The following CPA6 variants were observed in gnomAD, a reference collection of about 807,000 sequenced individuals.
The protein encoded by CPA6 is carboxypeptidase A6.
In CPA6, 58 loss-of-function variants were observed where a neutral mutation model predicts 63.3. That is an observed-to-expected ratio of 0.92 (90% CI 0.74 to 1.14). The LOEUF is 1.14. Among genes scored for constraint, CPA6 ranks in the 50% most tolerant of loss-of-function variants. The probability of loss-of-function intolerance (pLI) is 0.00; values close to 1 mark genes in which losing one functional copy is unlikely to be tolerated. For synonymous variants in CPA6, 185 were observed against 179.0 expected, an observed-to-expected ratio of 1.03 and a Z score of -0.27; for missense variants, 565 against 526.6, an observed-to-expected ratio of 1.07 and a Z score of -0.71.
intron 3 of CPA6, 126 bp downstream of exon 3, chr8:67,517,797 T>C (rs1812176745): frequency 1.0e-6 from 1 of 981,232 alleles, no homozygotes. Flanking sequence ...TCATGTCAGT[T>C]TTCCCCATAT....
At chr8:67,723,500 A>G (rs554878573) in intron 1 of CPA6, among the ~76,000 whole-genome samples, 2 of 152,254 alleles carry the variant, frequency 1.3e-5, no homozygotes, top group East Asian at 1.9e-4. Flanking sequence ...TCAGCTGATT[A>G]CTTTCCGAAG....
At chr8:67,705,930 A>G (rs539336491) in intron 1 of CPA6, among the ~76,000 whole-genome samples, 2 of 152,230 alleles carry the variant, frequency 1.3e-5, no homozygotes, top group Non-Finnish European at 2.9e-5. Flanking sequence ...TTCAAAAGTT[A>G]TAAAGGTAAA....
chr8:67,469,363 T>A (rs1157431570), intron 8 of CPA6, among the ~76,000 whole-genome samples: 3 of 152,096 alleles, frequency 2.0e-5, no homozygotes, highest in Non-Finnish European at 4.4e-5. Flanking sequence ...CCCAGCACTG[T>A]GGGAAGCTGA....
intron 1 of CPA6, among the ~76,000 whole-genome samples, chr8:67,681,195 A>ATTTTTTTTTTTTTTTTTTTTTT (rs1554533441): frequency 4.1e-5 from 4 of 97,140 alleles, no homozygotes; most frequent in African/African-American, 1.8e-4. Flanking sequence ...GGTCACAAAG[A>ATTTTTTTTTTTTTTTTTTTTTT]TTTTCTTTTT....
intron 2 of CPA6, among the ~76,000 whole-genome samples, chr8:67,595,756 G>A (rs1814313606): frequency 6.6e-6 from 1 of 152,204 alleles, no homozygotes; most frequent in African/African-American, 2.4e-5. Flanking sequence ...ATTCGGGTGG[G>A]AGTGGCCTGA....
intron 2 of CPA6, among the ~76,000 whole-genome samples, chr8:67,546,825 T>A (rs1317443219): frequency 1.3e-5 from 2 of 151,770 alleles, no homozygotes; most frequent in African/African-American, 4.8e-5. Context: ...AGCTTGAGGA[T>A]TTACTTTATC....
intron 2 of CPA6, among the ~76,000 whole-genome samples, chr8:67,547,887 C>A (rs891729918): frequency 6.6e-6 from 1 of 152,082 alleles, no homozygotes; most frequent in Non-Finnish European, 1.5e-5. Context: ...TGTTACTTTG[C>A]AAATTAATAA....
intron 3 of CPA6, among the ~76,000 whole-genome samples, chr8:67,512,289 C>T (rs1026145233): frequency 6.6e-6 from 1 of 152,140 alleles, no homozygotes; most frequent in Non-Finnish European, 1.5e-5. Flanking sequence ...CCTTCCATCA[C>T]CAAGAGACTA....
intron 1 of CPA6, among the ~76,000 whole-genome samples, chr8:67,651,106 T>C (rs1045389714): frequency 2.6e-5 from 4 of 152,178 alleles, no homozygotes; most frequent in African/African-American, 9.6e-5. Flanking sequence ...CTTTTCCTTG[T>C]CTCCCCATAA....
intron 1 of CPA6, among the ~76,000 whole-genome samples, chr8:67,627,868 A>AT (rs1815228246): frequency 6.6e-6 from 1 of 152,220 alleles, no homozygotes; most frequent in African/African-American, 2.4e-5. Context: ...ACAATAGTAA[A>AT]TAAATGTAAT....
chr8:67,436,294 G>T (rs1413246137), intron 8 of CPA6, among the ~76,000 whole-genome samples: 1 of 152,026 alleles, frequency 6.6e-6, no homozygotes, highest in African/African-American at 2.4e-5. Flanking sequence ...CCCAGGGTAG[G>T]GGTTTCCAGC....
intron 1 of CPA6, among the ~76,000 whole-genome samples, chr8:67,713,097 GTGTATATATATATATATA>G (rs1221407163): frequency 5.0e-5 from 3 of 60,246 alleles, no homozygotes; most frequent in East Asian, 6.2e-4. Context: ...GTGTGTGTGT[GTGTATATATATATATATA>G]TATATATATA....
chr8:67,437,632 C>G (rs1810191720), intron 8 of CPA6, among the ~76,000 whole-genome samples: 2 of 151,976 alleles, frequency 1.3e-5, no homozygotes, highest in African/African-American at 4.8e-5. Context: ...CAAATAGGGA[C>G]AAGGAGTTAT....
At chr8:67,608,432 T>C (rs1814722814) in intron 2 of CPA6, among the ~76,000 whole-genome samples, 1 of 152,102 alleles carries the variant, frequency 6.6e-6, no homozygotes, top group Non-Finnish European at 1.5e-5. Flanking sequence ...GGCCACAGGA[T>C]GGCCAAACTC....
At chr8:67,631,239 A>C (rs1399077184) in intron 1 of CPA6, among the ~76,000 whole-genome samples, 1 of 152,254 alleles carries the variant, frequency 6.6e-6, no homozygotes, top group East Asian at 1.9e-4. Context: ...CATATGCGCC[A>C]ATCAGCACTC....
At chr8:67,631,846 C>T (rs1462895441) in intron 1 of CPA6, among the ~76,000 whole-genome samples, 3 of 152,096 alleles carry the variant, frequency 2.0e-5, no homozygotes, top group African/African-American at 4.8e-5. Context: ...AGACGTGCCA[C>T]CTTAAGAGCT....
At chr8:67,591,492 A>G (rs550435196) in intron 2 of CPA6, among the ~76,000 whole-genome samples, 1 of 152,188 alleles carries the variant, frequency 6.6e-6, no homozygotes, top group Non-Finnish European at 1.5e-5. Context: ...GGCCATTTTC[A>G]TGATATTGAT....
intron 1 of CPA6, among the ~76,000 whole-genome samples, chr8:67,673,388 A>AT (rs796416371): frequency 1.2e-3 from 157 of 133,990 alleles, no homozygotes; most frequent in South Asian, 6.9e-3. Flanking sequence ...TTATTTATTT[A>AT]TTTTTTTTTT....
chr8:67,669,248 T>C (rs1816293671), intron 1 of CPA6, among the ~76,000 whole-genome samples: 1 of 151,546 alleles, frequency 6.6e-6, no homozygotes, highest in Non-Finnish European at 1.5e-5. Flanking sequence ...AGTGCTTTTA[T>C]TACCAGAGAC....
Sources: allele counts gnomAD v4.1 joint callset (sites outside exome capture counted in the v4.1 genomes callset), GRCh38; gene constraint gnomAD v4.1.1; transcripts MANE v1.5; gene names NCBI Gene and HGNC (gene_info 2026-07-23, HGNC 2026-07-21).